The following ADRA1B variants were observed in gnomAD, a reference collection of about 807,000 sequenced individuals.
The protein encoded by ADRA1B is alpha-1B adrenergic receptor.
A neutral mutation model predicts 17.9 loss-of-function variants in ADRA1B; 17 were observed. The ratio of observed to expected loss-of-function variants is 0.95; its 90% CI spans 0.65 to 1.42. ADRA1B has a LOEUF of 1.42. Ranked by LOEUF, ADRA1B falls within the 40% of genes most tolerant of loss-of-function variation. The pLI, the probability that ADRA1B is intolerant of heterozygous loss-of-function variation, is 0.00. For synonymous variants in ADRA1B, 366 were observed against 327.6 expected, an observed-to-expected ratio of 1.12 and a Z score of -1.27; for missense variants, 681 against 722.1, an observed-to-expected ratio of 0.94 and a Z score of 0.65.
intron 1 of ADRA1B, among the ~76,000 whole-genome samples, chr5:159,959,942 C>T (rs79554181): frequency 2.6e-5 from 4 of 152,130 alleles, no homozygotes; most frequent in African/African-American, 7.2e-5. Flanking sequence ...ATTAGCGTTT[C>T]GATCATAACT....
At chr5:159,941,542 T>C (rs935183088) in intron 1 of ADRA1B, among the ~76,000 whole-genome samples, 1 of 152,178 alleles carries the variant, frequency 6.6e-6, no homozygotes, top group East Asian at 1.9e-4. Flanking sequence ...CAGGAGAGAA[T>C]TGGAAACATG....
chr5:159,908,491 C>T (rs1462930967), intron 1 of ADRA1B, among the ~76,000 whole-genome samples: 3 of 152,092 alleles, frequency 2.0e-5, no homozygotes, highest in Non-Finnish European at 1.5e-5. Flanking sequence ...TTCAAAAGAG[C>T]CTGGCACGTC....
chr5:159,910,156 T>G lies in ADRA1B; in HGVS notation c.-255-5963T>G, dbSNP rs148863215. On this transcript the variant is annotated intron_variant, in intron 1 of 2. Coordinates refer to the ADRA1B transcript ENST00000641205. ...AATAATAGTAGAGTTCTTTGTTGAG[T>G]GTTTTTACGAGCCAGCTCCCAGCCT... Among the ~76,000 whole-genome samples the G allele has an allele frequency of 3.8e-3, 573 of 152,272 alleles. 6 individuals carry two copies. The highest frequency in any genetic ancestry group is 0.013 in the African/African-American group (531 of 41,540).
intron 1 of ADRA1B, chr5:159,928,967 C>T (rs1220002698): frequency 6.6e-6 from 1 of 152,214 alleles, no homozygotes; most frequent in Non-Finnish European, 1.5e-5. Flanking sequence ...GTCCCTTCTC[C>T]CAGCTTCTAG....
the ADRA1B span, among the ~76,000 whole-genome samples, chr5:159,986,272 T>G: frequency 2.6e-5 from 4 of 152,192 alleles, no homozygotes; most frequent in Non-Finnish European, 5.9e-5. Flanking sequence ...TCTTTAAAAT[T>G]TGTAGAGACA....
intron 1 of ADRA1B, among the ~76,000 whole-genome samples, chr5:159,965,955 AGT>A (rs751246094): frequency 6.6e-6 from 1 of 151,994 alleles, no homozygotes; most frequent in Non-Finnish European, 1.5e-5. Context: ...GTGTATGTTT[AGT>A]AAAGACAGGG....
At chr5:159,895,676 A>G (rs1213969585) in intron 1 of ADRA1B, among the ~76,000 whole-genome samples, 1 of 152,232 alleles carries the variant, frequency 6.6e-6, no homozygotes, top group Non-Finnish European at 1.5e-5. Context: ...GTTGAAGAAA[A>G]AAAAAGATCA....
At chr5:159,913,878 C>G (rs995468845), upstream of ADRA1B, among the ~76,000 whole-genome samples, 1 of 152,108 alleles carries the variant, frequency 6.6e-6, no homozygotes, top group Non-Finnish European at 1.5e-5. Context: ...TTATTTTATC[C>G]CACCCTTACC....
intron 1 of ADRA1B, among the ~76,000 whole-genome samples, chr5:159,879,450 C>T (rs932763790): frequency 6.6e-6 from 1 of 152,202 alleles, no homozygotes; most frequent in Non-Finnish European, 1.5e-5. Context: ...CCAGCCCCCT[C>T]TCCAGCAGCC....
At chr5:159,873,238 G>C (rs2113074043) in intron 1 of ADRA1B, among the ~76,000 whole-genome samples, 1 of 152,260 alleles carries the variant, frequency 6.6e-6, no homozygotes, top group African/African-American at 2.4e-5. Context: ...ATAAACATAA[G>C]TATGCATGTG....
intron 1 of ADRA1B, among the ~76,000 whole-genome samples, chr5:159,920,977 G>A (rs1158544141): frequency 6.6e-6 from 1 of 152,218 alleles, no homozygotes; most frequent in African/African-American, 2.4e-5. Flanking sequence ...GTGCCAGGAT[G>A]GCACAAGATT....
At position 159,889,853 on chromosome 5, in the gene ADRA1B, G is replaced by A. The variant is rs1346019922; in HGVS notation, c.-256+24647G>A. 2.0e-5 allele frequency among the ~76,000 whole-genome samples: 3 copies of A among 152,174 alleles called. No homozygotes were observed. The East Asian group carries it at 5.8e-4, about 29-fold the overall frequency. ...TCTGTTGCTTGCAACCAAGAACATG[G>A]CTACTATAAATTCCTTCCTTGTTTT... On this transcript the variant is annotated intron_variant, in intron 1 of 2. Coordinates refer to the ADRA1B transcript ENST00000641205.
intron 1 of ADRA1B, among the ~76,000 whole-genome samples, chr5:159,967,179 T>TA (rs368613662): frequency 4.2e-4 from 63 of 151,758 alleles, no homozygotes; most frequent in African/African-American, 1.3e-3. Context: ...ACTTTTGAAA[T>TA]AAAAAAAATA....
chr5:159,952,155 C>A (rs973692927), intron 1 of ADRA1B, among the ~76,000 whole-genome samples: 34 of 152,190 alleles, frequency 2.2e-4, no homozygotes, highest in African/African-American at 8.2e-4. Context: ...GTACAGGAGG[C>A]CCTTCTTATT....
chr5:159,960,023 A>G (rs1260721068), intron 1 of ADRA1B, among the ~76,000 whole-genome samples: 1 of 152,150 alleles, frequency 6.6e-6, no homozygotes, highest in Non-Finnish European at 1.5e-5. Context: ...ACATTTGTAA[A>G]TTGGGAGTTA....
intron 1 of ADRA1B, among the ~76,000 whole-genome samples, chr5:159,939,282 T>A (rs10036279): frequency 0.59 from 51,383 of 86,786 alleles, 11,708 homozygotes; most frequent in East Asian, 0.69. Flanking sequence ...AGAGAGAGTG[T>A]GTGTGTGTGT....
chr5:159,884,346 T>C (rs1198146518), intron 1 of ADRA1B, among the ~76,000 whole-genome samples: 2 of 152,210 alleles, frequency 1.3e-5, no homozygotes, highest in Non-Finnish European at 2.9e-5. Flanking sequence ...TTAGGTCATG[T>C]GGGCTCTGCC....
At chr5:159,905,227 A>G (rs1446160290) in intron 1 of ADRA1B, among the ~76,000 whole-genome samples, 1 of 152,182 alleles carries the variant, frequency 6.6e-6, no homozygotes, top group Admixed American at 6.5e-5. Flanking sequence ...AGAGAGGAGA[A>G]TAGGTTTCTA....
At chr5:159,870,189 T>C (rs1753718813) in intron 1 of ADRA1B, 1 of 152,216 alleles carries the variant, frequency 6.6e-6, no homozygotes, top group South Asian at 2.1e-4. Context: ...AAGGGTTCTC[T>C]GAGGAACTGA....
Sources: gnomAD v4.1 joint callset for allele counts (sites outside exome capture counted in the v4.1 genomes callset) on GRCh38, gnomAD v4.1.1 for gene constraint, MANE v1.5 for transcripts, NCBI Gene and HGNC (gene_info 2026-07-23, HGNC 2026-07-21) for gene names.